WASHC5: variants seen among roughly 807,000 people sequenced by gnomAD.
WASHC5 encodes the protein WASH complex subunit 5.
Under a neutral mutation model 150.4 loss-of-function variants are expected in WASHC5, and 101 were observed. The observed-to-expected ratio is 0.67, with a 90% CI of 0.57 to 0.79. The LOEUF is 0.79. Among genes scored for constraint, WASHC5 ranks in the 30% least tolerant of loss-of-function variants. WASHC5 has a pLI of 0.00. For missense variants in WASHC5, 1,195 were observed against 1,396.3 expected (o/e 0.86, Z 2.30); for synonymous variants, 467 against 491.2 (o/e 0.95, Z 0.65).
intron 16 of WASHC5, 134 bp downstream of exon 16, chr8:125,056,543 A>G (rs1053369926): frequency 1.1e-4 from 111 of 998,620 alleles, no homozygotes; most frequent in Non-Finnish European, 1.5e-4. Flanking sequence ...AAACGCGTTT[A>G]CCATTGCAAA....
At chr8:125,071,650 C>T (rs955765923) in intron 9 of WASHC5, among the ~76,000 whole-genome samples, 1 of 152,202 alleles carries the variant, frequency 6.6e-6, no homozygotes, top group African/African-American at 2.4e-5. Flanking sequence ...ATGTTTCCCT[C>T]TCTACTCTGA....
intron 1 of WASHC5, among the ~76,000 whole-genome samples, chr8:125,085,916 T>C (rs1472522361): frequency 6.6e-6 from 1 of 152,218 alleles, no homozygotes; most frequent in African/African-American, 2.4e-5. Context: ...CCCCTTCTTG[T>C]TCAGGCCTGT....
At chr8:125,038,701 A>C in intron 25 of WASHC5, 129 bp downstream of exon 25, 1 of 1,069,854 alleles carries the variant, frequency 9.3e-7, no homozygotes, top group South Asian at 1.3e-5. Flanking sequence ...AAGGGCAGGG[A>C]ACTGAATGGA....
chr8:125,037,736 AAGG>A (rs1338169619), intron 25 of WASHC5, among the ~76,000 whole-genome samples: 2 of 151,758 alleles, frequency 1.3e-5, no homozygotes, highest in African/African-American at 2.4e-5. Context: ...AAGAGGGAAG[AAGG>A]AGAGGAGGAG....
Position 125,083,215 on chromosome 8 carries a change from A to G in WASHC5, c.230T>C (p.Leu77Pro). 6.2e-7 allele frequency: 1 copy of G among 1,612,832 alleles called. No individual in the cohort carries two copies. ...WESKLDAKPE[L>P]QDLDEEFREN... ...ACGAAATTCTTCATCTAAATCCTGT[A>G]GCTCTGGCTTAGCATCCAGTTTGCT... The change falls in exon 3 of 29, where the codon CTA becomes CCA. Residue 77 changes from leucine to proline, a missense_variant. Coordinates refer to ENST00000318410, the MANE Select transcript of WASHC5 (RefSeq NM_014846.4).
At position 125,073,312 on chromosome 8, in the gene WASHC5, C is replaced by T. The variant is rs766724318; in HGVS notation, c.991G>A (p.Ala331Thr). The change falls in exon 9 of 29, where the codon GCT becomes ACT. Residue 331 changes from alanine to threonine, a missense_variant. This residue lies in a region of WASHC5 where 997 missense variants were observed against 1,168.1 expected (regional missense o/e 0.85). Coordinates refer to ENST00000318410, the MANE Select transcript of WASHC5 (RefSeq NM_014846.4). ...SNVREQASRY[A>T]TVSERVHAQV... Reference sequence around the variant, plus strand: ...GCATGCACTCTTTCACTGACAGTAGCATATCTGCTTGCCTTGACAAATAAG... The same window carrying T: ...GCATGCACTCTTTCACTGACAGTAGTATATCTGCTTGCCTTGACAAATAAG... 1.2e-5 allele frequency: 20 copies of T among 1,613,604 alleles called. No homozygotes were observed. The highest frequency in any genetic ancestry group is 1.5e-5 in the Non-Finnish European group (18 of 1,179,684).
At chr8:125,027,737 A>G (rs1815414190) in intron 28 of WASHC5, among the ~76,000 whole-genome samples, 1 of 152,232 alleles carries the variant, frequency 6.6e-6, no homozygotes, top group Non-Finnish European at 1.5e-5. Flanking sequence ...CATGTAACCA[A>G]ATACCACCTG....
At chr8:125,062,074 C>A (rs188880480) in intron 11 of WASHC5, among the ~76,000 whole-genome samples, 1 of 151,946 alleles carries the variant, frequency 6.6e-6, no homozygotes, top group Admixed American at 6.6e-5. Context: ...TAAAGACTTA[C>A]GATCTAAGTT....
intron 10 of WASHC5, 111 bp from the exon 11 acceptor site, chr8:125,063,762 T>A (rs947193901): frequency 1.6e-5 from 16 of 980,624 alleles, no homozygotes; most frequent in African/African-American, 9.8e-5. Context: ...GAAGCTACAC[T>A]ATAAATTAAC....
intron 16 of WASHC5, among the ~76,000 whole-genome samples, chr8:125,056,235 A>G (rs1303074071): frequency 6.6e-6 from 1 of 152,202 alleles, no homozygotes; most frequent in African/African-American, 2.4e-5. Flanking sequence ...GAAAAAAACC[A>G]GAGGTGCTTG....
intron 26 of WASHC5, among the ~76,000 whole-genome samples, chr8:125,035,213 C>A (rs141435148): frequency 3.3e-4 from 51 of 152,244 alleles, no homozygotes; most frequent in African/African-American, 1.2e-3. Context: ...GTTATAAACA[C>A]CACATTTCTA....
chr8:125,084,767 C>T (rs1446757322), intron 1 of WASHC5, among the ~76,000 whole-genome samples: 1 of 152,204 alleles, frequency 6.6e-6, no homozygotes, highest in South Asian at 2.1e-4. Flanking sequence ...TACCTCTTTG[C>T]CAGGCTGGAT....
Position 125,067,480 on chromosome 8 carries a change from A to G in WASHC5, c.1278+112T>C, listed in dbSNP as rs1190096977. On this transcript the variant is annotated intron_variant, in intron 10 of 28. Transcript: ENST00000318410. ...CTATAAGAACTATCTCAACAGCTCA[A>G]ATCTGTACCTTGAATCAGAGACAGA... is the stretch of plus-strand genomic sequence containing the variant. 3.2e-6 allele frequency: 3 copies of G among 939,726 alleles called. No homozygotes were observed. The East Asian group carries it at 8.2e-5, about 26-fold the overall frequency. 58.2% of individuals were successfully genotyped at this position (939,726 alleles called of 1,614,324 possible).
At chr8:125,030,626 ACT>A (rs1374404921) in intron 27 of WASHC5, among the ~76,000 whole-genome samples, 1 of 124,882 alleles carries the variant, frequency 8.0e-6, no homozygotes, top group African/African-American at 3.3e-5. Flanking sequence ...CGACAGAGCG[ACT>A]CTTTCTCATA....
intron 27 of WASHC5, among the ~76,000 whole-genome samples, chr8:125,032,023 T>C (rs150618017): frequency 2.0e-5 from 3 of 152,280 alleles, no homozygotes; most frequent in African/African-American, 7.2e-5. Context: ...GGAAAATCAA[T>C]GTGAGTAGAC....
At position 125,057,098 on chromosome 8, in the gene WASHC5, T is replaced by C. The variant is rs532412433; in HGVS notation, c.1876-281A>G. The stretch of plus-strand genomic sequence containing the variant: ...TCAAAAATGTTAAGTAACATCACTA[T>C]AGAGGACTGGCTAGAATGCGACACC... On this transcript the variant is annotated intron_variant, in intron 15 of 28. Transcript: ENST00000318410. Among the ~76,000 whole-genome samples the C allele has an allele frequency of 2.0e-5, 3 of 152,336 alleles. No individual in the cohort carries two copies. The East Asian group carries it at 5.8e-4, about 29-fold the overall frequency.
intron 26 of WASHC5, among the ~76,000 whole-genome samples, chr8:125,033,001 C>T (rs565915199): frequency 6.6e-6 from 1 of 152,040 alleles, no homozygotes; most frequent in South Asian, 2.1e-4. Flanking sequence ...GGTGCAATCA[C>T]AGCACATTAT....
chr8:125,081,208 A>T (rs1817249466), intron 5 of WASHC5, among the ~76,000 whole-genome samples: 1 of 151,610 alleles, frequency 6.6e-6, no homozygotes, highest in African/African-American at 2.4e-5. Context: ...ATATACCTAC[A>T]ATATGCTCAC....
intron 9 of WASHC5, among the ~76,000 whole-genome samples, chr8:125,070,878 G>A (rs1480940076): frequency 6.6e-6 from 1 of 152,202 alleles, no homozygotes; most frequent in Non-Finnish European, 1.5e-5. Context: ...TCAAAGATAC[G>A]AAGGATGAGG....
Sources: allele counts gnomAD v4.1 joint callset (sites outside exome capture counted in the v4.1 genomes callset), GRCh38; gene constraint gnomAD v4.1.1; regional missense constraint gnomAD v4.1.1; transcripts MANE v1.5; gene names NCBI Gene and HGNC (gene_info 2026-07-23, HGNC 2026-07-21).